CTNNA3: variants seen among roughly 807,000 people sequenced by gnomAD.
The protein encoded by CTNNA3 is catenin alpha-3.
A neutral mutation model predicts 95.7 loss-of-function variants in CTNNA3; 76 were observed. That is an observed-to-expected ratio of 0.79 (90% confidence interval 0.66 to 0.96). The LOEUF (loss-of-function observed/expected upper bound fraction) is 0.96, where lower values mean the gene tolerates loss of function less well. Among genes scored for constraint, CTNNA3 ranks in the 40% least tolerant of loss-of-function variants. The pLI is 0.00. For missense variants in CTNNA3, 1,191 were observed against 1,089.8 expected, an observed-to-expected ratio of 1.09 and a Z score of -1.31; for synonymous variants, 431 against 374.4, an observed-to-expected ratio of 1.15 and a Z score of -1.74.
chr10:67,474,705 C>T (rs1847939388), intron 5 of CTNNA3, among the ~76,000 whole-genome samples: 2 of 151,996 alleles, frequency 1.3e-5, no homozygotes, highest in South Asian at 4.2e-4. Flanking sequence ...AAATTAAAAC[C>T]ACAATGAGAT....
At chr10:67,577,072 A>G (rs990269858) in intron 3 of CTNNA3, among the ~76,000 whole-genome samples, 2 of 150,896 alleles carry the variant, frequency 1.3e-5, no homozygotes, top group Admixed American at 1.3e-4. Flanking sequence ...TATACCCAGT[A>G]ATGGGATGGC....
At chr10:66,707,337 G>A (rs1190950598) in intron 9 of CTNNA3, among the ~76,000 whole-genome samples, 1 of 151,962 alleles carries the variant, frequency 6.6e-6, no homozygotes, top group Non-Finnish European at 1.5e-5. Flanking sequence ...TCTAGGCAAC[G>A]ATGGCCACAG....
intron 5 of CTNNA3, among the ~76,000 whole-genome samples, chr10:67,419,491 CT>C (rs2132862954): frequency 6.6e-6 from 1 of 152,240 alleles, no homozygotes; most frequent in Admixed American, 6.5e-5. Flanking sequence ...TGATAGGTAG[CT>C]TTTTAACCCA....
At chr10:66,084,651 A>C (rs1315746481) in intron 14 of CTNNA3, among the ~76,000 whole-genome samples, 1 of 152,134 alleles carries the variant, frequency 6.6e-6, no homozygotes, top group African/African-American at 2.4e-5. Flanking sequence ...ATACACACTG[A>C]ATTTTTCTAT....
At chr10:67,518,618 G>T (rs1357652398) in intron 5 of CTNNA3, among the ~76,000 whole-genome samples, 2 of 152,062 alleles carry the variant, frequency 1.3e-5, no homozygotes, top group East Asian at 1.9e-4. Flanking sequence ...CTCTGGAAAT[G>T]GATGTGTTTT....
intron 3 of CTNNA3, among the ~76,000 whole-genome samples, chr10:67,590,681 T>A (rs1842762967): frequency 6.6e-6 from 1 of 152,150 alleles, no homozygotes; most frequent in Non-Finnish European, 1.5e-5. Context: ...GTCATGTGTA[T>A]ACTCTTCTGT....
At chr10:67,191,178 G>A (rs541567768) in intron 6 of CTNNA3, among the ~76,000 whole-genome samples, 3 of 151,868 alleles carry the variant, frequency 2.0e-5, no homozygotes, top group Non-Finnish European at 2.9e-5. Flanking sequence ...ACAGTTTGGC[G>A]GTTTCTTACA....
chr10:67,612,821 C>T (rs879689214), intron 2 of CTNNA3, among the ~76,000 whole-genome samples: 16 of 152,260 alleles, frequency 1.1e-4, no homozygotes, highest in Admixed American at 9.8e-4. Flanking sequence ...TCATCCAAGA[C>T]ACAGAAACGG....
intron 7 of CTNNA3, among the ~76,000 whole-genome samples, chr10:67,067,886 A>G (rs887950541): frequency 6.6e-6 from 1 of 152,230 alleles, no homozygotes; most frequent in Non-Finnish European, 1.5e-5. Context: ...AAGTATGTAC[A>G]GGGTCCATTG....
intron 7 of CTNNA3, among the ~76,000 whole-genome samples, chr10:66,985,154 G>T (rs917536053): frequency 2.6e-5 from 4 of 152,016 alleles, no homozygotes; most frequent in East Asian, 1.9e-4. Flanking sequence ...CACCACAAAG[G>T]TATTTCCTAC....
At chr10:66,037,937 C>T (rs1398210847) in intron 15 of CTNNA3, among the ~76,000 whole-genome samples, 1 of 152,068 alleles carries the variant, frequency 6.6e-6, no homozygotes, top group Non-Finnish European at 1.5e-5. Flanking sequence ...ACAGGAACAG[C>T]CCAAATGGAA....
chr10:67,189,310 A>C (rs138233468), intron 6 of CTNNA3, among the ~76,000 whole-genome samples: 1 of 152,056 alleles, frequency 6.6e-6, no homozygotes. Context: ...GGTGGTTACC[A>C]GGGGCTAGGG....
intron 5 of CTNNA3, among the ~76,000 whole-genome samples, chr10:67,352,547 G>A (rs1219168954): frequency 6.6e-6 from 1 of 151,776 alleles, no homozygotes; most frequent in African/African-American, 2.4e-5. Context: ...AAGGTCTCAT[G>A]CCTCATGCTA....
chr10:66,687,652 CT>C (rs1010301329), intron 9 of CTNNA3, among the ~76,000 whole-genome samples: 1 of 151,468 alleles, frequency 6.6e-6, no homozygotes, highest in Non-Finnish European at 1.5e-5. Flanking sequence ...TTTCTTCTAC[CT>C]TTTTTTCTCA....
At chr10:67,660,580 G>A (rs1272884674) in intron 1 of CTNNA3, among the ~76,000 whole-genome samples, 1 of 152,130 alleles carries the variant, frequency 6.6e-6, no homozygotes, top group Non-Finnish European at 1.5e-5. Context: ...TCTCATTCAT[G>A]GAAAAATATG....
intron 1 of CTNNA3, among the ~76,000 whole-genome samples, chr10:67,670,621 C>T (rs1476192759): frequency 6.6e-6 from 1 of 152,174 alleles, no homozygotes; most frequent in African/African-American, 2.4e-5. Flanking sequence ...CCCACACACA[C>T]ACATCCCAAG....
intron 11 of CTNNA3, among the ~76,000 whole-genome samples, chr10:66,445,740 A>G (rs2093415418): frequency 6.6e-6 from 1 of 151,536 alleles, no homozygotes; most frequent in Non-Finnish European, 1.5e-5. Context: ...CAAAATTGAC[A>G]CCCTAACATC....
chr10:67,198,747 A>G (rs1863495382), intron 6 of CTNNA3, among the ~76,000 whole-genome samples: 1 of 152,136 alleles, frequency 6.6e-6, no homozygotes, highest in African/African-American at 2.4e-5. Context: ...GAAAAAATCA[A>G]CTGTTCGTGC....
At chr10:66,362,189 G>A (rs1213955565) in intron 12 of CTNNA3, among the ~76,000 whole-genome samples, 2 of 138,230 alleles carry the variant, frequency 1.4e-5, no homozygotes, top group Non-Finnish European at 3.0e-5. Flanking sequence ...AGCAACCTCC[G>A]CCTTCTGGGT....
Sources: gnomAD v4.1 joint callset for allele counts (sites outside exome capture counted in the v4.1 genomes callset) on GRCh38, gnomAD v4.1.1 for gene constraint, MANE v1.5 for transcripts, NCBI Gene and HGNC (gene_info 2026-07-23, HGNC 2026-07-21) for gene names.